The following CALCR variants were observed in gnomAD, a reference collection of about 807,000 sequenced individuals.
CALCR encodes the protein calcitonin receptor.
In CALCR, 47 loss-of-function variants were observed where a neutral mutation model predicts 59.5. The observed-to-expected ratio is 0.79, with a 90% CI of 0.63 to 1.01. The LOEUF is 1.01. Among genes scored for constraint, CALCR ranks in the 50% least tolerant of loss-of-function variants. The pLI is 0.00. For synonymous variants in CALCR, 213 were observed against 211.3 expected, an observed-to-expected ratio of 1.01 and a Z score of -0.07; for missense variants, 566 against 597.1, an observed-to-expected ratio of 0.95 and a Z score of 0.54.
chr7:93,456,933 T>G (rs1346559657), intron 8 of CALCR, among the ~76,000 whole-genome samples: 1 of 152,124 alleles, frequency 6.6e-6, no homozygotes, highest in Non-Finnish European at 1.5e-5. Flanking sequence ...AGGTGCCTAG[T>G]GGCAGAGCCA....
intron 8 of CALCR, among the ~76,000 whole-genome samples, chr7:93,451,194 A>G (rs1360528807): frequency 6.6e-6 from 1 of 152,028 alleles, no homozygotes; most frequent in African/African-American, 2.4e-5. Context: ...AATAGTTCAC[A>G]TTTTTAAATT....
At chr7:93,452,901 G>GT (rs1800138801) in intron 8 of CALCR, among the ~76,000 whole-genome samples, 1 of 151,852 alleles carries the variant, frequency 6.6e-6, no homozygotes, top group Admixed American at 6.6e-5. Context: ...TACTCTTAGG[G>GT]TTTTTTCTCT....
At chr7:93,455,938 A>G (rs1800201313) in intron 8 of CALCR, among the ~76,000 whole-genome samples, 1 of 152,094 alleles carries the variant, frequency 6.6e-6, no homozygotes, top group Non-Finnish European at 1.5e-5. Flanking sequence ...TGTATAAAAC[A>G]TGTCTTCTTG....
intron 8 of CALCR, among the ~76,000 whole-genome samples, chr7:93,444,492 G>C (rs1295722797): frequency 1.3e-5 from 2 of 152,018 alleles, no homozygotes; most frequent in Non-Finnish European, 2.9e-5. Context: ...TTTTCATCTT[G>C]GTACATTAGC....
chr7:93,542,958 C>T (rs1476133340), intron 2 of CALCR, among the ~76,000 whole-genome samples: 1 of 124,700 alleles, frequency 8.0e-6, no homozygotes, highest in African/African-American at 2.6e-5. Context: ...TTGCAGTTCA[C>T]TGATTTTTTT....
intron 12 of CALCR, 87 bp downstream of exon 12, chr7:93,435,865 A>G: frequency 2.1e-6 from 1 of 477,422 alleles, no homozygotes; most frequent in Non-Finnish European, 3.7e-6. Flanking sequence ...TAAGTAAAAT[A>G]ATAATAAAAG....
At chr7:93,487,038 A>G (rs943505343) in intron 2 of CALCR, 31 bp from the exon 3 acceptor site, 8 of 1,135,584 alleles carry the variant, frequency 7.0e-6, no homozygotes, top group Admixed American at 3.7e-5. Context: ...CAAAGACTAA[A>G]ATTAATATAT....
In CALCR at chr7:93,426,287, C is replaced by CA; in HGVS notation, c.*68_*69insT. 1 of 878,470 alleles carries CA rather than the reference C, an allele frequency of 1.1e-6. No homozygotes were observed. The highest frequency in any genetic ancestry group is 1.9e-6 in the Non-Finnish European group (1 of 517,996). The allele number at this position is 878,470 out of a possible 1,614,324, so 54.4% of individuals were successfully genotyped here. On this transcript the variant is annotated 3_prime_UTR_variant, in exon 14 of 14. Transcript: ENST00000426151. ...TCGGTTCCTGGGAGGATGGAGAATACTTTAAATGCATGGTCTTTCTCCCAG... is the reference window on the plus strand; with the variant it reads ...TCGGTTCCTGGGAGGATGGAGAATACATTTAAATGCATGGTCTTTCTCCCAG...
At chr7:93,559,800 C>A (rs986952719) in intron 2 of CALCR, 1 of 152,080 alleles carries the variant, frequency 6.6e-6, no homozygotes, top group Non-Finnish European at 1.5e-5. Context: ...GTATTCCTGT[C>A]TCTTATAACT....
At chr7:93,540,016 C>T (rs1789090147) in intron 2 of CALCR, among the ~76,000 whole-genome samples, 1 of 152,176 alleles carries the variant, frequency 6.6e-6, no homozygotes, top group African/African-American at 2.4e-5. Flanking sequence ...TGCCTAGTCC[C>T]ATTCCCTTGG....
intron 2 of CALCR, among the ~76,000 whole-genome samples, chr7:93,546,995 T>C (rs1313247798): frequency 2.0e-5 from 3 of 152,158 alleles, no homozygotes; most frequent in Non-Finnish European, 2.9e-5. Flanking sequence ...AAAGGAATTA[T>C]GTGAGTATAT....
In CALCR at chr7:93,424,762, A is replaced by G. The variant is rs145757804; in HGVS notation, c.*1594T>C. 4 of 152,768 alleles carry G rather than the reference A, an allele frequency of 2.6e-5. No individual in the cohort carries two copies. The East Asian group carries it at 7.7e-4, about 29-fold the overall frequency. 9.5% of individuals were successfully genotyped at this position (152,768 alleles called of 1,614,324 possible). On this transcript the variant is annotated 3_prime_UTR_variant, in exon 14 of 14. Transcript: ENST00000426151. Reference sequence around the variant, plus strand: ...GTTTTCCATGTTTGTAAACAAAAATAGAACAATACTACATAACACTGTGAT... The same window carrying G: ...GTTTTCCATGTTTGTAAACAAAAATGGAACAATACTACATAACACTGTGAT...
intron 2 of CALCR, among the ~76,000 whole-genome samples, chr7:93,534,183 G>A (rs917910024): frequency 7.9e-5 from 12 of 151,724 alleles, no homozygotes; most frequent in Non-Finnish European, 8.9e-5. Context: ...GTTTGACAAC[G>A]ATTACATAAC....
rs199863702 is a variant in CALCR at position 93,492,361 on chromosome 7, T to TA, written c.-26-5355dup. Reference sequence around the variant, plus strand: ...CACATATTTTAAAAAACAAAAATAGTAAAAAAAAAGTATTTACAGATTTTT... The same window carrying TA: ...CACATATTTTAAAAAACAAAAATAGTAAAAAAAAAAGTATTTACAGATTTTT... On this transcript the variant is annotated intron_variant, in intron 2 of 13. Coordinates refer to ENST00000426151, the MANE Select transcript of CALCR (RefSeq NM_001742.4). 4.6e-3 allele frequency among the ~76,000 whole-genome samples: 697 copies of TA among 150,226 alleles called. 8 individuals carry two copies. The highest frequency in any genetic ancestry group is 0.015 in the African/African-American group (606 of 41,054).
Position 93,496,026 on chromosome 7 carries a change from A to G in CALCR, c.-26-9019T>C, listed in dbSNP as rs1040673970. 8.0e-6 allele frequency: 8 copies of G among 1,001,206 alleles called. No individual in the cohort carries two copies. The African/African-American group carries it at 8.4e-5, about 10-fold the overall frequency. 62.0% of individuals were successfully genotyped at this position (1,001,206 alleles called of 1,614,324 possible). On this transcript the variant is annotated intron_variant, in intron 2 of 13. Transcript: ENST00000426151. ...TAAATCAATGATAATGATTGAACAG[A>G]ATGTCTTCATGTAAGGGGAACAAAT...
chr7:93,512,242 CA>C (rs1274225806), intron 2 of CALCR, among the ~76,000 whole-genome samples: 1 of 152,166 alleles, frequency 6.6e-6, no homozygotes, highest in Non-Finnish European at 1.5e-5. Context: ...AGTGACCAGG[CA>C]TCATGCTATT....
intron 2 of CALCR, among the ~76,000 whole-genome samples, chr7:93,505,160 T>C (rs1563000153): frequency 6.6e-6 from 1 of 150,748 alleles, no homozygotes; most frequent in Admixed American, 6.6e-5. Context: ...TATAGCTAAG[T>C]GGAAAAAAAA....
chr7:93,509,505 C>CA (rs1202198184), intron 2 of CALCR, among the ~76,000 whole-genome samples: 1 of 151,960 alleles, frequency 6.6e-6, no homozygotes, highest in South Asian at 2.1e-4. Flanking sequence ...GACAACTCAG[C>CA]AAAAAAATTC....
chr7:93,558,992 C>T (rs1020301769), intron 2 of CALCR, among the ~76,000 whole-genome samples: 3 of 152,060 alleles, frequency 2.0e-5, no homozygotes, highest in Admixed American at 2.0e-4. Context: ...GTGAGAAAAT[C>T]ACCACTTGAG....
Sources: allele counts gnomAD v4.1 joint callset (sites outside exome capture counted in the v4.1 genomes callset), GRCh38; gene constraint gnomAD v4.1.1; transcripts MANE v1.5; gene names NCBI Gene and HGNC (gene_info 2026-07-23, HGNC 2026-07-21).